Variants in CSRP3 observed in about 807,000 individuals in gnomAD.
CSRP3 encodes the protein cysteine and glycine rich protein 3.
Under a neutral mutation model 24.3 loss-of-function variants are expected in CSRP3, and 24 were observed. The observed-to-expected ratio is 0.99, with a 90% CI of 0.71 to 1.39. The LOEUF (loss-of-function observed/expected upper bound fraction) is 1.39, where lower values mean the gene tolerates loss of function less well. Among genes scored for constraint, CSRP3 ranks in the 40% most tolerant of loss-of-function variants. The probability of loss-of-function intolerance (pLI) is 0.00; values close to 1 mark genes in which losing one functional copy is unlikely to be tolerated. For missense variants in CSRP3, 240 were observed against 249.0 expected, an observed-to-expected ratio of 0.96 and a Z score of 0.24; for synonymous variants, 105 against 94.0, an observed-to-expected ratio of 1.12 and a Z score of -0.68.
chr11:19,188,612 AAG>A (rs1491575031), intron 2 of CSRP3, among the ~76,000 whole-genome samples: 7 of 66,924 alleles, frequency 1.0e-4, no homozygotes, highest in Admixed American at 6.4e-4. Context: ...GACATCAGGG[AAG>A]TGTGTGTGTG....
chr11:19,196,985 T>C (rs146329311), intron 1 of CSRP3: 5 of 152,164 alleles, frequency 3.3e-5, no homozygotes, highest in Non-Finnish European at 7.4e-5. Flanking sequence ...GAGATTATAC[T>C]AGGAATGTGC....
At chr11:19,186,136 C>T in intron 4 of CSRP3, 80 bp downstream of exon 4, 2 of 1,582,266 alleles carry the variant, frequency 1.3e-6, no homozygotes, top group Non-Finnish European at 1.7e-6. Flanking sequence ...CTGCTTGCAG[C>T]TCCCAATTTT....
chr11:19,195,895 A>G (rs1226201564), intron 1 of CSRP3, among the ~76,000 whole-genome samples: 1 of 152,208 alleles, frequency 6.6e-6, no homozygotes, highest in Non-Finnish European at 1.5e-5. Context: ...GCTCAGTTCC[A>G]TTTCTGAAGA....
intron 3 of CSRP3, 76 bp downstream of exon 3, chr11:19,188,060 T>C: frequency 1.3e-6 from 2 of 1,574,138 alleles, no homozygotes. Flanking sequence ...CCAGAAAACG[T>C]TGCTATGGGA....
intron 1 of CSRP3, among the ~76,000 whole-genome samples, chr11:19,195,537 C>A (rs965500865): frequency 6.6e-6 from 1 of 152,140 alleles, no homozygotes; most frequent in African/African-American, 2.4e-5. Context: ...AACATGGCAG[C>A]GACACTTGTA....
chr11:19,190,936 G>A (rs115309254), intron 2 of CSRP3, among the ~76,000 whole-genome samples: 1 of 152,048 alleles, frequency 6.6e-6, no homozygotes, highest in Non-Finnish European at 1.5e-5. Flanking sequence ...CTTTGAACAG[G>A]GCATCTTCCT....
At position 19,186,342 on chromosome 11, in the gene CSRP3, TGG is replaced by T. The variant is rs960577385; in HGVS notation, c.286_287del (p.Pro96LysfsTer35). The T allele has an allele frequency of 6.2e-6, 10 of 1,614,066 alleles. No individual in the cohort carries two copies. The highest frequency in any genetic ancestry group is 2.7e-5 in the African/African-American group (2 of 74,932). On this transcript the variant is annotated frameshift_variant, in exon 4 of 6. Coordinates refer to ENST00000265968, the MANE Select transcript of CSRP3 (RefSeq NM_003476.5). LOFTEE classifies it high-confidence loss of function. ...TGGTGGTAACTGAGCGTGCCGGCTT[TGG>T]GGACCTGTTGGAAATAGACGAATGA... ...EHLGLQFQQS[P>X]KPARSVTTSN... is the part of the protein sequence containing the mutation.
chr11:19,188,267 C>T lies in CSRP3; in HGVS notation c.150G>A (p.Ala50=), dbSNP rs7124801. 8,936 of 1,612,710 alleles carry T rather than the reference C, an allele frequency of 5.5e-3. 436 individuals carry two copies. The African/African-American group carries it at 0.11, about 19-fold the overall frequency. Residue 50 remains alanine (A), a synonymous_variant, in exon 3 of 6, where the codon GCG becomes GCA. Transcript: ENST00000265968. ...CRKALDSTTV[A]AHESEIYCKV... ...TGCAGTAGATCTCCGACTCATGAGCCGCGACTGTCGTGCTGTCAAGAGCCT... is the reference window on the plus strand; with the variant it reads ...TGCAGTAGATCTCCGACTCATGAGCTGCGACTGTCGTGCTGTCAAGAGCCT...
rs76608902 is a variant in CSRP3 at position 19,187,279 on chromosome 11, C to T, written c.281+857G>A. Among the ~76,000 whole-genome samples, 1,486 of 152,350 alleles carry T rather than the reference C, an allele frequency of 9.8e-3. 11 individuals are homozygous for T. The highest frequency in any genetic ancestry group is 0.024 in the Middle Eastern group (7 of 294). On this transcript the variant is annotated intron_variant, in intron 3 of 5. Coordinates refer to ENST00000265968, the MANE Select transcript of CSRP3 (RefSeq NM_003476.5). ...AGATGACTAATCACACATCTCTCCA[C>T]GTTTCCATGCTCTCCTGTGGCTTAC...
At chr11:19,184,434 T>C (rs896870889) in intron 5 of CSRP3, among the ~76,000 whole-genome samples, 3 of 152,180 alleles carry the variant, frequency 2.0e-5, no homozygotes, top group Admixed American at 2.0e-4. Flanking sequence ...TCTGTCCCTA[T>C]GATCACTAAG....
chr11:19,192,361 A>G lies in CSRP3; in HGVS notation c.88T>C (p.Phe30Leu), dbSNP rs2133516315. 6.2e-7 allele frequency: 1 copy of G among 1,614,122 alleles called. No individual in the cohort carries two copies. The highest frequency in any genetic ancestry group is 8.5e-7 in the Non-Finnish European group (1 of 1,180,002). The change falls in exon 2 of 6, where the codon TTC (phenylalanine) becomes CTC (leucine). Residue 30 changes from phenylalanine to leucine, a missense_variant. By Grantham distance (22) the Phe-to-Leu change is conservative. Coordinates refer to ENST00000265968, the MANE Select transcript of CSRP3 (RefSeq NM_003476.5). ...CTGCAGTGGAAACACGTCTTGTGGA[A>G]ACTCCTTCCATTGCACTGGATTTCT... ...AEEIQCNGRSFHKTCFHCMAC... is the reference protein window; with the variant it reads ...AEEIQCNGRSLHKTCFHCMAC...
chr11:19,187,291 C>T (rs1344140810), intron 3 of CSRP3, among the ~76,000 whole-genome samples: 4 of 152,256 alleles, frequency 2.6e-5, no homozygotes, highest in Admixed American at 6.5e-5. Flanking sequence ...TTTCCATGCT[C>T]TCCTGTGGCT....
intron 5 of CSRP3, 67 bp downstream of exon 5, chr11:19,184,885 G>T (rs1391985876): frequency 8.4e-7 from 1 of 1,195,922 alleles, no homozygotes. Context: ...AGGCATGAAC[G>T]TAATTTCCTC....
At chr11:19,188,564 A>C (rs950117336) in intron 2 of CSRP3, among the ~76,000 whole-genome samples, 1 of 151,776 alleles carries the variant, frequency 6.6e-6, no homozygotes, top group Non-Finnish European at 1.5e-5. Flanking sequence ...ATATAGTCTC[A>C]GACCTGCTAA....
At chr11:19,185,609 C>T (rs966221110) in intron 4 of CSRP3, among the ~76,000 whole-genome samples, 1 of 152,184 alleles carries the variant, frequency 6.6e-6, no homozygotes, top group Non-Finnish European at 1.5e-5. Context: ...GGAGCCTGCC[C>T]TTGTGTTTGA....
intron 5 of CSRP3, among the ~76,000 whole-genome samples, chr11:19,184,168 C>T (rs1850485914): frequency 6.6e-6 from 1 of 152,212 alleles, no homozygotes. Flanking sequence ...TCTTAACTCC[C>T]TTTCCATTGC....
At chr11:19,194,608 A>G (rs183658378) in intron 1 of CSRP3, among the ~76,000 whole-genome samples, 41 of 152,300 alleles carry the variant, frequency 2.7e-4, no homozygotes, top group Non-Finnish European at 4.6e-4. Flanking sequence ...ACTTGAACTC[A>G]GGAGTTCTAG....
chr11:19,201,453 C>T (rs369221872), intron 1 of CSRP3, among the ~76,000 whole-genome samples: 275 of 152,290 alleles, frequency 1.8e-3, no homozygotes, highest in South Asian at 0.011. Context: ...AATCGCTTAT[C>T]GCTTTGTATC....
chr11:19,200,971 C>T (rs985794185), intron 1 of CSRP3, among the ~76,000 whole-genome samples: 5 of 152,166 alleles, frequency 3.3e-5, no homozygotes, highest in African/African-American at 1.2e-4. Context: ...GACAAGGTTC[C>T]TCAGACCAGT....
Sources: allele counts gnomAD v4.1 joint callset (sites outside exome capture counted in the v4.1 genomes callset), GRCh38; gene constraint gnomAD v4.1.1; transcripts MANE v1.5; gene names NCBI Gene and HGNC (gene_info 2026-07-23, HGNC 2026-07-21).